SYNGR2: variants seen among roughly 807,000 people sequenced by gnomAD.
SYNGR2 encodes synaptogyrin-2.
SYNGR2 carries 11 observed loss-of-function variants against 18.7 expected under a neutral mutation model. The ratio of observed to expected loss-of-function variants is 0.59; its 90% CI spans 0.37 to 0.97. The LOEUF (loss-of-function observed/expected upper bound fraction) is 0.97. Among genes scored for constraint, SYNGR2 ranks in the 50% least tolerant of loss-of-function variants. The pLI is 0.01. For synonymous variants in SYNGR2, 127 were observed against 131.0 expected (o/e 0.97, Z 0.21); for missense variants, 253 against 300.7 (o/e 0.84, Z 1.17).
chr17:78,168,896 G>T (rs534393563), intron 1 of SYNGR2, among the ~76,000 whole-genome samples, 181 bp downstream of exon 1: 8 of 151,860 alleles, frequency 5.3e-5, no homozygotes, highest in African/African-American at 1.9e-4. Context: ...AGTCTGTCCC[G>T]CTGTCCCCTC....
chr17:78,170,751 C>T (rs764103615), intron 1 of SYNGR2, 66 bp from the exon 2 acceptor site: 2 of 1,399,090 alleles, frequency 1.4e-6, no homozygotes, highest in African/African-American at 2.8e-5. Flanking sequence ...TACACCCCAT[C>T]AGGGTCCCCG....
chr17:78,169,532 C>T (rs1181968178), intron 1 of SYNGR2, among the ~76,000 whole-genome samples: 3 of 152,134 alleles, frequency 2.0e-5, no homozygotes, highest in Non-Finnish European at 4.4e-5. Context: ...CTGCTCCCAT[C>T]ATCCCGGAGA....
chr17:78,169,543 T>TC (rs1038434681), intron 1 of SYNGR2: 2 of 152,212 alleles, frequency 1.3e-5, no homozygotes, highest in Non-Finnish European at 2.9e-5. Context: ...ATCCCGGAGA[T>TC]CCGGCTTCAT....
Position 78,171,451 on chromosome 17 carries a change from A to G in SYNGR2, c.338-59A>G. 1 of 1,506,906 alleles carries G rather than the reference A, an allele frequency of 6.6e-7. No individual in the cohort carries two copies. Among genetic ancestry groups the G allele is most frequent in the South Asian group, 1.4e-5 (1 of 72,886 alleles). 93.3% of individuals were successfully genotyped at this position (1,506,906 alleles called of 1,614,324 possible). On this transcript the variant is annotated intron_variant, in intron 2 of 3. Transcript: ENST00000225777. This position sits in a 1 kb window ranked among gnomAD's most constrained non-coding sequence, Gnocchi z 6.6. Reference sequence around the variant, plus strand: ...GCCCTACCTGCCCGCGTCCCCTCCCAGAGTCCTGGAAAGCCCCTCCCTTTC... The same window carrying G: ...GCCCTACCTGCCCGCGTCCCCTCCCGGAGTCCTGGAAAGCCCCTCCCTTTC...
chr17:78,169,501 C>T (rs991401264), intron 1 of SYNGR2, among the ~76,000 whole-genome samples: 1 of 152,162 alleles, frequency 6.6e-6, no homozygotes, highest in Admixed American at 6.5e-5. Context: ...ATGGCAGTGC[C>T]AGGAGTCCTG....
At chr17:78,168,902 C>T (rs986579120) in intron 1 of SYNGR2, among the ~76,000 whole-genome samples, 187 bp downstream of exon 1, 2 of 152,088 alleles carry the variant, frequency 1.3e-5, no homozygotes, top group African/African-American at 2.4e-5. Flanking sequence ...TCCCGCTGTC[C>T]CCTCCCGGTC....
In SYNGR2 at chr17:78,171,463, A is replaced by G. The variant is rs118177382; in HGVS notation, c.338-47A>G. On this transcript the variant is annotated intron_variant, in intron 2 of 3. Transcript: ENST00000225777. This position sits in a 1 kb window ranked among gnomAD's most constrained non-coding sequence, Gnocchi z 6.6. Reference sequence around the variant, plus strand: ...CGCGTCCCCTCCCAGAGTCCTGGAAAGCCCCTCCCTTTCCATGGAACTGAC... The same window carrying G: ...CGCGTCCCCTCCCAGAGTCCTGGAAGGCCCCTCCCTTTCCATGGAACTGAC... 163 of 1,508,284 alleles carry G rather than the reference A, an allele frequency of 1.1e-4. No individual in the cohort carries two copies. Among genetic ancestry groups the G allele is most frequent in the Admixed American group, 3.0e-4 (13 of 43,502 alleles). The allele number at this position is 1,508,284 out of a possible 1,614,324, so 93.4% of individuals were successfully genotyped here. A position where few individuals can be genotyped will look rare whatever the true frequency, so the allele number is the denominator to read the frequency against.
chr17:78,172,024 CTCTT>C lies in SYNGR2; in HGVS notation c.*91_*94del, dbSNP rs2145817320. On this transcript the variant is annotated 3_prime_UTR_variant, in exon 4 of 4. Transcript: ENST00000225777. Reference sequence around the variant, plus strand: ...GAGCCTCCTGGAACTGCCAGCCCCTCTCTTTCACCTGTTCCATCCTGTGCAGCTG... The same window carrying C: ...GAGCCTCCTGGAACTGCCAGCCCCTCTCACCTGTTCCATCCTGTGCAGCTG... The C allele has an allele frequency of 1.3e-6, 2 of 1,590,800 alleles. No homozygotes were observed. The highest frequency in any genetic ancestry group is 8.5e-7 in the Non-Finnish European group (1 of 1,174,354).
In SYNGR2 at chr17:78,172,497, A is replaced by T; in HGVS notation, c.*561A>T. 6.2e-6 allele frequency: 1 copy of T among 160,678 alleles called. No individual in the cohort carries two copies. Among genetic ancestry groups the T allele is most frequent in the Non-Finnish European group, 1.4e-5 (1 of 73,690 alleles). 10.0% of individuals were successfully genotyped at this position (160,678 alleles called of 1,614,324 possible). A position where few individuals can be genotyped will look rare whatever the true frequency, so the allele number is the denominator to read the frequency against. On this transcript the variant is annotated 3_prime_UTR_variant, in exon 4 of 4. Coordinates refer to ENST00000225777, the MANE Select transcript of SYNGR2 (RefSeq NM_004710.7). ...TGGTGTGAGGGCGGGGCTGGTGCTCATGGCACTTCCTCCTTGCTCCCACCC... is the reference window on the plus strand; with the variant it reads ...TGGTGTGAGGGCGGGGCTGGTGCTCTTGGCACTTCCTCCTTGCTCCCACCC...
At chr17:78,168,800 C>T (rs1026137261) in intron 1 of SYNGR2, 85 bp downstream of exon 1, 4 of 1,117,926 alleles carry the variant, frequency 3.6e-6, no homozygotes, top group Admixed American at 4.7e-5. Context: ...CCCACGAGCG[C>T]GACAGGTGGC....
Position 78,171,746 on chromosome 17 carries a change from T to C in SYNGR2, c.485T>C (p.Leu162Pro), listed in dbSNP as rs1192330455. Residue 162 changes from leucine to proline, a missense_variant, in exon 4 of 4, where the codon CTG becomes CCG. Coordinates refer to ENST00000225777, the MANE Select transcript of SYNGR2 (RefSeq NM_004710.7). The surrounding 1 kb of genome is among the most constrained non-coding windows in gnomAD (Gnocchi z 6.6). Reference sequence around the variant, plus strand: ...GCTGTGCTCCCCCTGCAGGGTGTGCTGGCCTCCCTGGCCTACCAGCGCTAC... The same window carrying C: ...GCTGTGCTCCCCCTGCAGGGTGTGCCGGCCTCCCTGGCCTACCAGCGCTAC... ...SFFSIFSWGVLASLAYQRYKA... is the reference protein window; with the variant it reads ...SFFSIFSWGVPASLAYQRYKA... The C allele has an allele frequency of 1.2e-6, 2 of 1,613,960 alleles. No homozygotes were observed. Among genetic ancestry groups the C allele is most frequent in the Admixed American group, 1.7e-5 (1 of 60,004 alleles).
chr17:78,171,290 T>C lies in SYNGR2; in HGVS notation c.338-220T>C. The C allele has an allele frequency of 1.5e-6, 1 of 673,732 alleles. No individual in the cohort carries two copies. Among genetic ancestry groups the C allele is most frequent in the Non-Finnish European group, 2.5e-6 (1 of 404,500 alleles). The allele number at this position is 673,732 out of a possible 1,614,324, so 41.7% of individuals were successfully genotyped here. A position where few individuals can be genotyped will look rare whatever the true frequency, so the allele number is the denominator to read the frequency against. On this transcript the variant is annotated intron_variant, in intron 2 of 3. Coordinates refer to ENST00000225777, the MANE Select transcript of SYNGR2 (RefSeq NM_004710.7). The surrounding 1 kb of genome is among the most constrained non-coding windows in gnomAD (Gnocchi z 6.6). ...CACCCGAGCAGATGGGCTTTGCCTC[T>C]GCCCCTTTTGTCCCCTAGGCTGTCT...
Position 78,171,799 on chromosome 17 carries a change from A to C in SYNGR2, c.538A>C (p.Asn180His), listed in dbSNP as rs2075661040. The C allele has an allele frequency of 6.2e-7, 1 of 1,613,952 alleles. No homozygotes were observed. Residue 180 changes from asparagine (N) to histidine (H), a missense_variant, in exon 4 of 4, where the codon AAT (asparagine) becomes CAT (histidine). Physicochemically the swap from Asn to His is moderately conservative, Grantham distance 68. Coordinates refer to ENST00000225777, the MANE Select transcript of SYNGR2 (RefSeq NM_004710.7). The surrounding 1 kb of genome is among the most constrained non-coding windows in gnomAD (Gnocchi z 6.6). ...YKAGVDDFIQ[N>H]YVDPTPDPNT... ...GGCTGGCGTGGACGACTTCATCCAG[A>C]ATTACGTTGACCCCACTCCGGACCC...
chr17:78,168,798 C>A, intron 1 of SYNGR2, 83 bp downstream of exon 1: 1 of 1,123,788 alleles, frequency 8.9e-7, no homozygotes, highest in Non-Finnish European at 1.1e-6. Flanking sequence ...AGCCCACGAG[C>A]GCGACAGGTG....
rs1316729183 is a variant in SYNGR2 at position 78,172,354 on chromosome 17, T to C, written c.*418T>C. ...CTCGTGGGGGCCATCACACCTGCCC[T>C]GTGCAGCGGAGCCGGACCAGGCTCT... On this transcript the variant is annotated 3_prime_UTR_variant, in exon 4 of 4. Coordinates refer to ENST00000225777, the MANE Select transcript of SYNGR2 (RefSeq NM_004710.7). 4 of 336,600 alleles carry C rather than the reference T, an allele frequency of 1.2e-5. No individual in the cohort carries two copies. The highest frequency in any genetic ancestry group is 6.2e-5 in the African/African-American group (3 of 48,294). The allele number at this position is 336,600 out of a possible 1,614,324, so 20.9% of individuals were successfully genotyped here.
In SYNGR2 at chr17:78,171,350, G is replaced by C; in HGVS notation, c.338-160G>C. On this transcript the variant is annotated intron_variant, in intron 2 of 3. Coordinates refer to ENST00000225777, the MANE Select transcript of SYNGR2 (RefSeq NM_004710.7). This position sits in a 1 kb window ranked among gnomAD's most constrained non-coding sequence, Gnocchi z 6.6. ...CACCCTGCCAAGGCCCGAGTGTGGGGGACTTTGGAGGTGGCTCCCGGCCCG... is the reference window on the plus strand; with the variant it reads ...CACCCTGCCAAGGCCCGAGTGTGGGCGACTTTGGAGGTGGCTCCCGGCCCG... 1.1e-6 allele frequency: 1 copy of C among 891,606 alleles called. No individual in the cohort carries two copies. Among genetic ancestry groups the C allele is most frequent in the Non-Finnish European group, 1.7e-6 (1 of 603,646 alleles). 55.2% of individuals were successfully genotyped at this position (891,606 alleles called of 1,614,324 possible). A position where few individuals can be genotyped will look rare whatever the true frequency, so the allele number is the denominator to read the frequency against.
Position 78,171,144 on chromosome 17 carries a change from G to C in SYNGR2, c.337+90G>C. 1 of 1,297,620 alleles carries C rather than the reference G, an allele frequency of 7.7e-7. No individual in the cohort carries two copies. The allele number at this position is 1,297,620 out of a possible 1,614,324, so 80.4% of individuals were successfully genotyped here. ...GGAGGGTCTCGGCCTCTCTGGGAGG[G>C]GCAGGGAGCAGCTCACTCCTCCAGG... On this transcript the variant is annotated intron_variant, in intron 2 of 3. Transcript: ENST00000225777. The surrounding 1 kb of genome is among the most constrained non-coding windows in gnomAD (Gnocchi z 6.6).
rs952247568 is a variant in SYNGR2 at position 78,171,414 on chromosome 17, C to T, written c.338-96C>T. 20 of 1,436,960 alleles carry T rather than the reference C, an allele frequency of 1.4e-5. No individual in the cohort carries two copies. Among genetic ancestry groups the T allele is most frequent in the African/African-American group, 5.7e-5 (4 of 69,994 alleles). 89.0% of individuals were successfully genotyped at this position (1,436,960 alleles called of 1,614,324 possible). A position where few individuals can be genotyped will look rare whatever the true frequency, so the allele number is the denominator to read the frequency against. On this transcript the variant is annotated intron_variant, in intron 2 of 3. Transcript: ENST00000225777. The surrounding 1 kb of genome is among the most constrained non-coding windows in gnomAD (Gnocchi z 6.6). ...CCCCTCCATAGTGTGGAGGCTCCCC[C>T]GGGAGGTCCCTGCCCTACCTGCCCG... is the stretch of plus-strand genomic sequence containing the variant.
Position 78,171,399 on chromosome 17 carries a change from G to C in SYNGR2, c.338-111G>C. ...CGGCTTCCAAGTCCTCCCCTCCATA[G>C]TGTGGAGGCTCCCCCGGGAGGTCCC... On this transcript the variant is annotated intron_variant, in intron 2 of 3. Transcript: ENST00000225777. The surrounding 1 kb of genome is among the most constrained non-coding windows in gnomAD (Gnocchi z 6.6). 7.5e-7 allele frequency: 1 copy of C among 1,340,432 alleles called. No homozygotes were observed. The highest frequency in any genetic ancestry group is 1.5e-5 in the South Asian group (1 of 66,968). 83.0% of individuals were successfully genotyped at this position (1,340,432 alleles called of 1,614,324 possible).
Sources: allele counts gnomAD v4.1 joint callset (sites outside exome capture counted in the v4.1 genomes callset), GRCh38; gene constraint gnomAD v4.1.1; non-coding constraint Gnocchi (gnomAD v3.1); transcripts MANE v1.5; gene names NCBI Gene and HGNC (gene_info 2026-07-23, HGNC 2026-07-21).